FRMD4A: variants seen among roughly 807,000 people sequenced by gnomAD.
FRMD4A encodes the protein FERM domain containing 4A.
In FRMD4A, 29 loss-of-function variants were observed where a neutral mutation model predicts 129.1. The observed-to-expected ratio is 0.22, with a 90% CI of 0.17 to 0.31. FRMD4A has a LOEUF of 0.31. Ranked by LOEUF, FRMD4A falls within the 10% of genes least tolerant of loss-of-function variation. The probability of loss-of-function intolerance (pLI) is 1.00; values close to 1 mark genes in which losing one functional copy is unlikely to be tolerated. For synonymous variants in FRMD4A, 634 were observed against 571.6 expected (o/e 1.11, Z -1.56); for missense variants, 1,272 against 1,375.8 (o/e 0.92, Z 1.19).
chr10:13,961,751 ACTTGAATTTGT>A (rs1157519257), intron 2 of FRMD4A, among the ~76,000 whole-genome samples: 1 of 152,168 alleles, frequency 6.6e-6, no homozygotes, highest in East Asian at 1.9e-4. Flanking sequence ...TTTTAATTTG[ACTTGAATTTGT>A]CTAATCATTA....
At chr10:14,315,831 C>T (rs1019998712) in intron 2 of FRMD4A, among the ~76,000 whole-genome samples, 10 of 152,234 alleles carry the variant, frequency 6.6e-5, no homozygotes, top group Admixed American at 6.5e-4. Flanking sequence ...ACTAGCTCCT[C>T]TCACATGCCC....
chr10:13,804,653 T>G (rs1297789003), intron 4 of FRMD4A, among the ~76,000 whole-genome samples: 2 of 151,222 alleles, frequency 1.3e-5, no homozygotes, highest in East Asian at 1.9e-4. Flanking sequence ...CAAGCAATTC[T>G]CCTGCCTCAG....
At chr10:13,999,654 T>G (rs1445449835) in intron 2 of FRMD4A, among the ~76,000 whole-genome samples, 2 of 152,138 alleles carry the variant, frequency 1.3e-5, no homozygotes, top group African/African-American at 4.8e-5. Flanking sequence ...TGTAGGAAAA[T>G]GATCAGAAGG....
intron 2 of FRMD4A, among the ~76,000 whole-genome samples, chr10:14,053,983 G>A (rs891401727): frequency 2.6e-4 from 40 of 151,660 alleles, no homozygotes; most frequent in African/African-American, 8.2e-4. Context: ...CTCCAGCCTC[G>A]GCAATAGAGT....
chr10:13,821,073 G>C lies in FRMD4A; in HGVS notation c.112-10165C>G, dbSNP rs889969277. Among the ~76,000 whole-genome samples the C allele has an allele frequency of 1.3e-5, 2 of 152,208 alleles. No individual in the cohort carries two copies. Among genetic ancestry groups the C allele is most frequent in the Non-Finnish European group, 2.9e-5 (2 of 68,028 alleles). ...CTGTGTGTCCCTCTCCATCCCCATGGGGGCTCTGAGCCCAGCAATGGCTCA... is the reference window on the plus strand; with the variant it reads ...CTGTGTGTCCCTCTCCATCCCCATGCGGGCTCTGAGCCCAGCAATGGCTCA... On this transcript the variant is annotated intron_variant, in intron 3 of 24. Transcript: ENST00000357447. This position sits in a 1 kb window ranked among gnomAD's most constrained non-coding sequence, Gnocchi z 4.3.
At chr10:13,717,212 T>A (rs2088895387) in intron 12 of FRMD4A, among the ~76,000 whole-genome samples, 1 of 152,242 alleles carries the variant, frequency 6.6e-6, no homozygotes, top group Non-Finnish European at 1.5e-5. Flanking sequence ...AATTAATCAA[T>A]CTGAGAAATA....
At chr10:13,749,083 A>C (rs1453554010) in intron 8 of FRMD4A, among the ~76,000 whole-genome samples, 1 of 152,110 alleles carries the variant, frequency 6.6e-6, no homozygotes, top group Non-Finnish European at 1.5e-5. Context: ...GTCTGCACCC[A>C]CTTACTACCT....
At chr10:13,886,916 A>T (rs192891582) in intron 2 of FRMD4A, among the ~76,000 whole-genome samples, 93 of 152,338 alleles carry the variant, frequency 6.1e-4, no homozygotes, top group Admixed American at 5.8e-3. Context: ...CGGATTGGCA[A>T]ATAATTGCTA....
chr10:13,925,012 C>G (rs574142243), intron 2 of FRMD4A, among the ~76,000 whole-genome samples: 2 of 136,744 alleles, frequency 1.5e-5, no homozygotes, highest in Non-Finnish European at 3.0e-5. Flanking sequence ...TGCAGTGAGC[C>G]GAGATTGCAC....
chr10:14,271,642 T>C (rs184281365), intron 2 of FRMD4A, among the ~76,000 whole-genome samples: 560 of 152,346 alleles, frequency 3.7e-3, no homozygotes, highest in Non-Finnish European at 6.0e-3. Flanking sequence ...TCTAGCTGTG[T>C]TCTATTATTG....
chr10:13,782,176 T>C (rs1588692216), intron 6 of FRMD4A, among the ~76,000 whole-genome samples: 1 of 152,132 alleles, frequency 6.6e-6, no homozygotes, highest in Admixed American at 6.6e-5. Context: ...AAAGTGACAA[T>C]AGCGTCCCTT....
chr10:14,113,176 T>C (rs906759583), intron 2 of FRMD4A, among the ~76,000 whole-genome samples: 1 of 152,230 alleles, frequency 6.6e-6, no homozygotes, highest in Non-Finnish European at 1.5e-5. Context: ...TATACATAGA[T>C]ACATCGTTTA....
At chr10:14,065,920 T>A (rs1477390043) in intron 2 of FRMD4A, among the ~76,000 whole-genome samples, 2 of 152,096 alleles carry the variant, frequency 1.3e-5, no homozygotes, top group Non-Finnish European at 1.5e-5. Flanking sequence ...AGCCCCCTGT[T>A]ATCCTTGCTG....
At chr10:13,840,758 AG>A (rs1423250745) in intron 3 of FRMD4A, among the ~76,000 whole-genome samples, 2 of 136,628 alleles carry the variant, frequency 1.5e-5, no homozygotes, top group Non-Finnish European at 3.0e-5. Flanking sequence ...ACTGCACTCC[AG>A]TGTGGGCAAA....
chr10:13,844,741 C>T (rs929239869), intron 3 of FRMD4A, among the ~76,000 whole-genome samples: 3 of 152,206 alleles, frequency 2.0e-5, no homozygotes, highest in Admixed American at 6.5e-5. Context: ...TCAAAGATCA[C>T]TGGGATTCTA....
At chr10:13,688,149 G>A (rs1429371771) in intron 15 of FRMD4A, among the ~76,000 whole-genome samples, 2 of 152,086 alleles carry the variant, frequency 1.3e-5, no homozygotes, top group African/African-American at 2.4e-5. Flanking sequence ...CAACCTAAAT[G>A]TCCAACAACG....
At chr10:13,865,725 C>T (rs986647081) in intron 2 of FRMD4A, among the ~76,000 whole-genome samples, 2 of 151,974 alleles carry the variant, frequency 1.3e-5, no homozygotes, top group African/African-American at 4.8e-5. Flanking sequence ...CATGAGCCAC[C>T]GTGCCTGGCC....
intron 5 of FRMD4A, among the ~76,000 whole-genome samples, chr10:13,785,491 A>G (rs1289204870): frequency 1.3e-5 from 2 of 152,242 alleles, no homozygotes; most frequent in African/African-American, 4.8e-5. Flanking sequence ...GTAAAGTTAA[A>G]CAACTTTTAG....
intron 13 of FRMD4A, among the ~76,000 whole-genome samples, chr10:13,706,307 T>C (rs1458508328): frequency 6.6e-6 from 1 of 152,000 alleles, no homozygotes; most frequent in Non-Finnish European, 1.5e-5. Flanking sequence ...CATATAACTT[T>C]AGGTCCAGCG....
Sources: gnomAD v4.1 joint callset for allele counts (sites outside exome capture counted in the v4.1 genomes callset) on GRCh38, gnomAD v4.1.1 for gene constraint, Gnocchi (gnomAD v3.1) non-coding constraint, MANE v1.5 for transcripts, NCBI Gene and HGNC (gene_info 2026-07-23, HGNC 2026-07-21) for gene names.